BIRC7: variants seen among roughly 807,000 people sequenced by gnomAD.
The protein encoded by BIRC7 is baculoviral IAP repeat-containing protein 7.
BIRC7 carries 26 observed loss-of-function variants against 33.2 expected under a neutral mutation model. That is an observed-to-expected ratio of 0.78 (90% CI 0.57 to 1.09). BIRC7 has a LOEUF of 1.09. Ranked by LOEUF, BIRC7 falls within the 50% of genes least tolerant of loss-of-function variation. BIRC7 has a pLI of 0.00. For synonymous variants in BIRC7, 176 were observed against 171.0 expected, an observed-to-expected ratio of 1.03 and a Z score of -0.23; for missense variants, 409 against 401.2, an observed-to-expected ratio of 1.02 and a Z score of -0.17.
At position 63,235,937 on chromosome 20, in the gene BIRC7, C is replaced by T. The variant is rs2123021866; in HGVS notation, c.-160C>T. Reference sequence around the variant, plus strand: ...GAAAGCTGTGGGCCCTGGGATACTCCCCTCCCAGGGTGTCTGGTGGCAGGC... The same window carrying T: ...GAAAGCTGTGGGCCCTGGGATACTCTCCTCCCAGGGTGTCTGGTGGCAGGC... On this transcript the variant is annotated 5_prime_UTR_variant, in exon 1 of 7. Transcript: ENST00000217169. The T allele has an allele frequency of 2.2e-6, 2 of 889,182 alleles. No individual in the cohort carries two copies. The highest frequency in any genetic ancestry group is 5.5e-5 in the East Asian group (2 of 36,240). The allele number at this position is 889,182 out of a possible 1,614,324, so 55.1% of individuals were successfully genotyped here.
chr20:63,236,751 G>A (rs904135389), intron 1 of BIRC7, among the ~76,000 whole-genome samples: 1 of 152,256 alleles, frequency 6.6e-6, no homozygotes, highest in South Asian at 2.1e-4. Context: ...CTTTGTGATA[G>A]AAGTGGGTGG....
chr20:63,239,798 C>A (rs2066722770), intron 6 of BIRC7, among the ~76,000 whole-genome samples, 188 bp downstream of exon 6: 1 of 152,242 alleles, frequency 6.6e-6, no homozygotes, highest in South Asian at 2.1e-4. Context: ...TAGGTTGGGG[C>A]CTGGTCCTTC....
Position 63,236,158 on chromosome 20 carries a change from C to G in BIRC7, c.62C>G (p.Ala21Gly). 1 of 1,592,314 alleles carries G rather than the reference C, an allele frequency of 6.3e-7. No homozygotes were observed. The highest frequency in any genetic ancestry group is 8.6e-7 in the Non-Finnish European group (1 of 1,168,804). The stretch of plus-strand genomic sequence containing the variant: ...GGACCACAGCCGAGCCACTGGGCAG[C>G]CGGTGATGGTCCCACGCAGGAGCGC... ...HRGPQPSHWA[A>G]GDGPTQERCG... is the part of the protein sequence containing the mutation. The change falls in exon 1 of 7, where the codon GCC (alanine) becomes GGC (glycine). Residue 21 changes from alanine (A) to glycine (G), a missense_variant. Transcript: ENST00000217169.
At chr20:63,237,038 T>C (rs925527564) in intron 1 of BIRC7, among the ~76,000 whole-genome samples, 15 of 152,208 alleles carry the variant, frequency 9.9e-5, no homozygotes, top group African/African-American at 3.6e-4. Context: ...TGAGTTCAGG[T>C]CCCAGCTCTG....
rs768419850 is a variant in BIRC7 at position 63,239,372 on chromosome 20, G to A, written c.664G>A (p.Ala222Thr). The A allele has an allele frequency of 5.0e-6, 8 of 1,603,552 alleles. No individual in the cohort carries two copies. Among genetic ancestry groups the A allele is most frequent in the South Asian group, 2.2e-5 (2 of 91,072 alleles). Residue 222 changes from alanine (A) to threonine (T), a missense_variant, in exon 6 of 7, where the codon GCC (alanine) becomes ACC (threonine). By Grantham distance (58) the Ala-to-Thr change is moderately conservative. Transcript: ENST00000217169. ...TGTCCTCCTAGGAGGGGTCAGTCCA[G>A]CCGAGGCCCAGAGGGCGTGGTGGGT... Reference protein sequence around the residue: ...SAQEPGGVSPAEAQRAWWVLE... With the variant: ...SAQEPGGVSPTEAQRAWWVLE...
chr20:63,236,427 G>T lies in BIRC7; in HGVS notation c.331G>T (p.Ala111Ser). The change falls in exon 1 of 7, where the codon GCC (alanine) becomes TCC (serine). Residue 111 changes from alanine (A) to serine (S), a missense_variant. Coordinates refer to ENST00000217169, the MANE Select transcript of BIRC7 (RefSeq NM_139317.3). ...GGTGCCACCCGAGCTGCTGGCTGCT[G>T]CCGGCTTCTTCCACACAGGTCAGTC... ...AEVPPELLAAAGFFHTGHQDK... is the reference protein window; with the variant it reads ...AEVPPELLAASGFFHTGHQDK... 6.5e-7 allele frequency: 1 copy of T among 1,544,054 alleles called. No individual in the cohort carries two copies.
Position 63,236,313 on chromosome 20 carries a change from G to C in BIRC7, c.217G>C (p.Ala73Pro), listed in dbSNP as rs764398536. 1.2e-6 allele frequency: 2 copies of C among 1,609,856 alleles called. No individual in the cohort carries two copies. The highest frequency in any genetic ancestry group is 1.7e-5 in the Admixed American group (1 of 59,950). Residue 73 changes from alanine (A) to proline (P), a missense_variant, in exon 1 of 7, where the codon GCC becomes CCC. By Grantham distance (27) the Ala-to-Pro change is conservative. Coordinates refer to ENST00000217169, the MANE Select transcript of BIRC7 (RefSeq NM_139317.3). The stretch of plus-strand genomic sequence containing the variant: ...GGAGGAAGAGGAGGAGGGCGCCGGG[G>C]CCACCTTGTCCAGGGGGCCTGCCTT... ...TEEEEEEGAG[A>P]TLSRGPAFPG...
chr20:63,238,505 G>C (rs539371735), intron 3 of BIRC7, 28 bp downstream of exon 3: 3 of 1,612,856 alleles, frequency 1.9e-6, no homozygotes, highest in African/African-American at 1.3e-5. Context: ...TCGGGGCTCC[G>C]GGTGGCAGTG....
At position 63,239,584 on chromosome 20, in the gene BIRC7, C is replaced by G; in HGVS notation, c.876C>G (p.Arg292=). 6.3e-7 allele frequency: 1 copy of G among 1,598,562 alleles called. No homozygotes were observed. Among genetic ancestry groups the G allele is most frequent in the Non-Finnish European group, 8.5e-7 (1 of 1,178,854 alleles). Reference sequence around the variant, plus strand: ...TCTGCAGAGCCCCCGTCCGCAGCCGCGTGCGCACCTTCCTGTCCTAGGCCA... The same window carrying G: ...TCTGCAGAGCCCCCGTCCGCAGCCGGGTGCGCACCTTCCTGTCCTAGGCCA... ...CPICRAPVRS[R]VRTFLS Residue 292 remains arginine (R), a synonymous_variant, in exon 6 of 7, where the codon CGC becomes CGG. Coordinates refer to ENST00000217169, the MANE Select transcript of BIRC7 (RefSeq NM_139317.3).
At chr20:63,238,112 G>T (rs1405591125) in intron 2 of BIRC7, 110 bp downstream of exon 2, 15 of 1,091,112 alleles carry the variant, frequency 1.4e-5, no homozygotes, top group Non-Finnish European at 1.9e-5. Flanking sequence ...GCCCCACAGG[G>T]CACTGGGGAG....
Position 63,239,471 on chromosome 20 carries a change from T to C in BIRC7, c.763T>C (p.Cys255Arg). ...GCAGGAGGAGAGGACGTGCAAGGTGTGCCTGGACCGCGCCGTGTCCATCGT... is the reference window on the plus strand; with the variant it reads ...GCAGGAGGAGAGGACGTGCAAGGTGCGCCTGGACCGCGCCGTGTCCATCGT... ...RLQEERTCKV[C>R]LDRAVSIVFV... Residue 255 changes from cysteine to arginine, a missense_variant, in exon 6 of 7, where the codon TGC becomes CGC. Coordinates refer to ENST00000217169, the MANE Select transcript of BIRC7 (RefSeq NM_139317.3). 1 of 1,606,938 alleles carries C rather than the reference T, an allele frequency of 6.2e-7. No individual in the cohort carries two copies. The highest frequency in any genetic ancestry group is 8.5e-7 in the Non-Finnish European group (1 of 1,179,858).
At chr20:63,236,476 G>A (rs6011692) in intron 1 of BIRC7, 31 bp downstream of exon 1, 141,086 of 1,503,626 alleles carry the variant, frequency 0.094, 7,554 homozygotes, top group African/African-American at 0.21. Flanking sequence ...CCTTCCTGCC[G>A]TGGGCCTGGG....
At chr20:63,238,988 C>T in intron 4 of BIRC7, 174 bp from the exon 5 acceptor site, 4 of 727,906 alleles carry the variant, frequency 5.5e-6, no homozygotes, top group Non-Finnish European at 9.1e-6. Context: ...TCCAGGAAGC[C>T]TCTGGATCCT....
chr20:63,238,235 G>GC (rs144133530), intron 2 of BIRC7, 161 bp from the exon 3 acceptor site: 1 of 938,440 alleles, frequency 1.1e-6, no homozygotes, highest in Non-Finnish European at 1.7e-6. Flanking sequence ...CTACCCTGAA[G>GC]CCCCATGGAG....
intron 2 of BIRC7, 39 bp from the exon 3 acceptor site, chr20:63,238,357 G>A: frequency 6.2e-7 from 1 of 1,607,828 alleles, no homozygotes; most frequent in South Asian, 1.1e-5. Context: ...AGACAGTGGG[G>A]GCCCTGAACC....
rs779148609 is a variant in BIRC7, at chr20:63,238,634, C to T, written c.577+20C>T. Reference sequence around the variant, plus strand: ...CCTCCGGTGAGAGCTGACACCACCCCTGCTGACTCCTTGTGCGCCTGCAGC... The same window carrying T: ...CCTCCGGTGAGAGCTGACACCACCCTTGCTGACTCCTTGTGCGCCTGCAGC... On this transcript the variant is annotated intron_variant, in intron 4 of 6. Coordinates refer to ENST00000217169, the MANE Select transcript of BIRC7 (RefSeq NM_139317.3). The T allele has an allele frequency of 5.0e-6, 8 of 1,611,874 alleles. No homozygotes were observed. In the Admixed American group the frequency reaches 1.2e-4, roughly 24 times the overall value.
At chr20:63,237,136 TCTGGCGGGGCACCATCCTGGTAAGGCTGG>T (rs1362313074) in intron 1 of BIRC7, among the ~76,000 whole-genome samples, 11 of 152,120 alleles carry the variant, frequency 7.2e-5, no homozygotes. Context: ...AGCAGTGGGC[TCTGGCGGGGCACCATCCTGGTAAGGCTGG>T]ACCAACTTAA....
intron 4 of BIRC7, 120 bp downstream of exon 4, chr20:63,238,734 G>A (rs546960657): frequency 4.3e-6 from 6 of 1,383,692 alleles, no homozygotes; most frequent in Non-Finnish European, 6.0e-6. Flanking sequence ...GTGACAGGGT[G>A]TGACGCTGCT....
chr20:63,239,169 C>A lies in BIRC7; in HGVS notation c.585C>A (p.Ala195=). Residue 195 remains alanine, a synonymous_variant, in exon 5 of 7, where the codon GCC becomes GCA. Coordinates refer to ENST00000217169, the MANE Select transcript of BIRC7 (RefSeq NM_139317.3). Reference sequence around the variant, plus strand: ...TATCCTAACTGTCCACAGTCCCTGCCTCTGGGTACCCTGAGCTGCCCACAC... The same window carrying A: ...TATCCTAACTGTCCACAGTCCCTGCATCTGGGTACCCTGAGCTGCCCACAC... The part of the protein sequence containing the change: ...DAAPVAPSVP[A]SGYPELPTPR... 1 of 1,612,760 alleles carries A rather than the reference C, an allele frequency of 6.2e-7. No homozygotes were observed.
Sources: allele counts gnomAD v4.1 joint callset (sites outside exome capture counted in the v4.1 genomes callset), GRCh38; gene constraint gnomAD v4.1.1; transcripts MANE v1.5; gene names NCBI Gene and HGNC (gene_info 2026-07-23, HGNC 2026-07-21).